The following ATG4A variants were observed in gnomAD, a reference collection of about 807,000 sequenced individuals.
ATG4A encodes cysteine protease ATG4A.
A neutral mutation model predicts 38.4 loss-of-function variants in ATG4A; 22 were observed. The ratio of observed to expected loss-of-function variants is 0.57; its 90% CI spans 0.41 to 0.82. The LOEUF (loss-of-function observed/expected upper bound fraction) is 0.82, where lower values mean the gene tolerates loss of function less well. Ranked by LOEUF, ATG4A falls within the 40% of genes least tolerant of loss-of-function variation. ATG4A has a pLI of 0.00. For synonymous variants in ATG4A, 86 were observed against 100.7 expected (o/e 0.85, Z 0.88); for missense variants, 220 against 290.0 (o/e 0.76, Z 1.75).
chrX:108,109,734 T>C (rs2032301443), intron 1 of ATG4A, among the ~76,000 whole-genome samples: 1 of 112,252 alleles, frequency 8.9e-6, no homozygotes, highest in Non-Finnish European at 1.9e-5. Context: ...AAAGAGATTG[T>C]TCTTTACCCA....
intron 12 of ATG4A, 39 bp from the exon 13 acceptor site, chrX:108,153,603 G>A: frequency 8.9e-7 from 1 of 1,119,689 alleles, no homozygotes; most frequent in Non-Finnish European, 1.2e-6. Context: ...CAACCCAAGT[G>A]TCAAGCTTTT....
At chrX:108,126,331 A>G in intron 2 of ATG4A, 144 bp downstream of exon 2, 2 of 478,912 alleles carry the variant, frequency 4.2e-6, no homozygotes, top group East Asian at 7.8e-5. Context: ...ACTTGTAGTC[A>G]AAGGAGCTTA....
intron 1 of ATG4A, among the ~76,000 whole-genome samples, chrX:108,117,700 A>T (rs2032545700): frequency 8.9e-6 from 1 of 112,193 alleles, no homozygotes. Context: ...GAAGATGTTT[A>T]GCATTTTATT....
At chrX:108,151,692 C>A in intron 10 of ATG4A, 110 bp from the exon 11 acceptor site, 1 of 735,256 alleles carries the variant, frequency 1.4e-6, no homozygotes, top group Non-Finnish European at 2.0e-6. Flanking sequence ...TTCTTTATTG[C>A]TGAGAAGTCA....
intron 1 of ATG4A, among the ~76,000 whole-genome samples, chrX:108,124,133 AC>A (rs1022580903): frequency 1.8e-4 from 20 of 112,247 alleles, no homozygotes; most frequent in African/African-American, 6.5e-4. Context: ...GCCTCAGTCC[AC>A]CACCTCCTGG....
chrX:108,150,138 C>T lies in ATG4A; in HGVS notation c.815-14C>T. 2.5e-6 allele frequency: 3 copies of T among 1,210,083 alleles called. No homozygotes were observed. The highest frequency in any genetic ancestry group is 2.3e-4 in the Middle Eastern group (1 of 4,352). On this transcript the variant is annotated splice_polypyrimidine_tract_variant and intron_variant, in intron 9 of 12. Coordinates refer to ENST00000372232, the MANE Select transcript of ATG4A (RefSeq NM_052936.5). ...GTAATCCTTTGAAGGTTAAGCATAT[C>T]TCCTTCAAAACAGGTGACGAGCTCA...
At chrX:108,122,803 A>G (rs1224482324) in intron 1 of ATG4A, among the ~76,000 whole-genome samples, 1 of 112,218 alleles carries the variant, frequency 8.9e-6, no homozygotes, top group African/African-American at 3.2e-5. Flanking sequence ...AGCTAACCAC[A>G]AAGCTTTGAA....
chrX:108,092,491 C>T (rs1327363622), intron 1 of ATG4A, among the ~76,000 whole-genome samples: 4 of 111,962 alleles, frequency 3.6e-5, no homozygotes, highest in African/African-American at 1.3e-4. Context: ...AACTAGGTAA[C>T]GATAAGAATA....
chrX:108,146,793 C>T lies in ATG4A; in HGVS notation c.815-3359C>T, dbSNP rs182474337. The stretch of plus-strand genomic sequence containing the variant: ...CAAGGGAGATCAGGCATTTCCATCT[C>T]GTTCACAGTGGGCCATCTTTTAATC... On this transcript the variant is annotated intron_variant, in intron 9 of 12. Transcript: ENST00000372232. Among the ~76,000 whole-genome samples the T allele has an allele frequency of 5.4e-5, 6 of 111,437 alleles. No individual in the cohort carries two copies. The East Asian group carries it at 1.1e-3, about 21-fold the overall frequency.
At chrX:108,120,926 T>C (rs17254349) in intron 1 of ATG4A, among the ~76,000 whole-genome samples, 8,827 of 112,121 alleles carry the variant, frequency 0.079, 371 homozygotes, top group Middle Eastern at 0.13. Context: ...TCTTAGGAAG[T>C]CAAAGTTTAT....
intron 1 of ATG4A, among the ~76,000 whole-genome samples, chrX:108,110,616 C>T (rs1463274517): frequency 9.0e-6 from 1 of 111,678 alleles, no homozygotes; most frequent in East Asian, 2.8e-4. Flanking sequence ...CACTCATTAG[C>T]CTCTAGTATT....
intron 1 of ATG4A, among the ~76,000 whole-genome samples, chrX:108,100,618 T>G (rs774916411): frequency 1.8e-5 from 2 of 111,790 alleles, no homozygotes; most frequent in East Asian, 2.8e-4. Flanking sequence ...GTTTTTATCA[T>G]GAATAACTAT....
chrX:108,091,707 C>A (rs776382637), upstream of ATG4A: 11 of 1,034,488 alleles, frequency 1.1e-5, no homozygotes, highest in Non-Finnish European at 1.5e-5. Context: ...AGGGAGGCGC[C>A]TTTGCTGCCC....
At chrX:108,102,940 G>C (rs1439781117) in intron 1 of ATG4A, among the ~76,000 whole-genome samples, 4 of 109,794 alleles carry the variant, frequency 3.6e-5, no homozygotes, top group Non-Finnish European at 5.7e-5. Context: ...CATCACCTAG[G>C]TATTAAGCCC....
At chrX:108,118,607 C>T (rs2032574245) in intron 1 of ATG4A, among the ~76,000 whole-genome samples, 1 of 111,516 alleles carries the variant, frequency 9.0e-6, no homozygotes, top group African/African-American at 3.3e-5. Flanking sequence ...TTATACCTTC[C>T]AGAATCTAGT....
chrX:108,123,406 G>A (rs1252003598), intron 1 of ATG4A, among the ~76,000 whole-genome samples: 2 of 111,955 alleles, frequency 1.8e-5, no homozygotes, highest in East Asian at 2.8e-4. Context: ...TAATTGTATT[G>A]GAAATGATAT....
rs751358030 is a variant in ATG4A at position 108,092,824 on chromosome X, A to G, written c.10+988A>G. On this transcript the variant is annotated intron_variant, in intron 1 of 12. Coordinates refer to ENST00000372232, the MANE Select transcript of ATG4A (RefSeq NM_052936.5). ...TCAGAATTAGTGTTCCCTATTGTCAAAATTGATTTTAAGTGTTCATCTGTT... is the reference window on the plus strand; with the variant it reads ...TCAGAATTAGTGTTCCCTATTGTCAGAATTGATTTTAAGTGTTCATCTGTT... Among the ~76,000 whole-genome samples, 4 of 111,928 alleles carry G rather than the reference A, an allele frequency of 3.6e-5. No individual in the cohort carries two copies. In the East Asian group the frequency reaches 1.1e-3, roughly 31 times the overall value.
chrX:108,098,222 T>C (rs1253803148), intron 1 of ATG4A, among the ~76,000 whole-genome samples: 1 of 111,932 alleles, frequency 8.9e-6, no homozygotes, highest in Non-Finnish European at 1.9e-5. Flanking sequence ...CACTGGGCTA[T>C]ACAAACCTTC....
intron 1 of ATG4A, among the ~76,000 whole-genome samples, chrX:108,110,649 A>T (rs1347087839): frequency 8.9e-6 from 1 of 111,755 alleles, no homozygotes; most frequent in Non-Finnish European, 1.9e-5. Flanking sequence ...TTTTACTTCT[A>T]TGAAATTAAC....
Sources: allele counts gnomAD v4.1 joint callset (sites outside exome capture counted in the v4.1 genomes callset), GRCh38; gene constraint gnomAD v4.1.1; transcripts MANE v1.5; gene names NCBI Gene and HGNC (gene_info 2026-07-23, HGNC 2026-07-21).